The following CCDC15 variants were observed in gnomAD, a reference collection of about 807,000 sequenced individuals.
The protein encoded by CCDC15 is coiled-coil domain-containing protein 15.
Under a neutral mutation model 114.5 loss-of-function variants are expected in CCDC15, and 105 were observed. The observed-to-expected ratio is 0.92, with a 90% CI of 0.78 to 1.08. The LOEUF is 1.08. CCDC15 is among the 50% of genes least tolerant of loss of function. The probability of loss-of-function intolerance (pLI) is 0.00; values close to 1 mark genes in which losing one functional copy is unlikely to be tolerated. For synonymous variants in CCDC15, 334 were observed against 377.8 expected, an observed-to-expected ratio of 0.88 and a Z score of 1.34; for missense variants, 1,105 against 1,093.6, an observed-to-expected ratio of 1.01 and a Z score of -0.15.
intron 11 of CCDC15, among the ~76,000 whole-genome samples, chr11:124,998,248 G>A (rs2135504731): frequency 6.6e-6 from 1 of 152,328 alleles, no homozygotes; most frequent in Non-Finnish European, 1.5e-5. Context: ...AGCTGGGACA[G>A]TTGTAGTGCT....
intron 13 of CCDC15, among the ~76,000 whole-genome samples, chr11:125,028,462 G>A (rs1948719149): frequency 6.6e-6 from 1 of 152,058 alleles, no homozygotes; most frequent in South Asian, 2.1e-4. Flanking sequence ...AGTTTTTCTT[G>A]TAGAGATCTT....
chr11:125,006,389 T>G (rs963041227), intron 13 of CCDC15, among the ~76,000 whole-genome samples: 1 of 152,194 alleles, frequency 6.6e-6, no homozygotes, highest in Non-Finnish European at 1.5e-5. Context: ...TCATTTTGCT[T>G]CTTCTTGTTG....
At chr11:125,011,475 A>G (rs1318302455) in intron 13 of CCDC15, among the ~76,000 whole-genome samples, 1 of 151,930 alleles carries the variant, frequency 6.6e-6, no homozygotes, top group Non-Finnish European at 1.5e-5. Flanking sequence ...TGACCTCGTG[A>G]TCCACCCGCC....
Position 125,040,909 on chromosome 11 carries a change from G to A in CCDC15, c.*198G>A. 1.7e-6 allele frequency: 1 copy of A among 583,596 alleles called. No homozygotes were observed. The highest frequency in any genetic ancestry group is 3.0e-6 in the Non-Finnish European group (1 of 335,322). The allele number at this position is 583,596 out of a possible 1,614,324, so 36.2% of individuals were successfully genotyped here. A position where few individuals can be genotyped will look rare whatever the true frequency, so the allele number is the denominator to read the frequency against. Reference sequence around the variant, plus strand: ...GAAAGCTGACTTACTTCTCTCTTCTGTCTTGTGAACCATACGGAGCCTATT... The same window carrying A: ...GAAAGCTGACTTACTTCTCTCTTCTATCTTGTGAACCATACGGAGCCTATT... On this transcript the variant is annotated 3_prime_UTR_variant, in exon 16 of 16. Coordinates refer to ENST00000344762, the MANE Select transcript of CCDC15 (RefSeq NM_025004.3).
chr11:124,994,515 A>C (rs1948329573), intron 11 of CCDC15, among the ~76,000 whole-genome samples: 1 of 152,150 alleles, frequency 6.6e-6, no homozygotes, highest in African/African-American at 2.4e-5. Flanking sequence ...ATTTTTATAA[A>C]AGGTATATTT....
intron 5 of CCDC15, among the ~76,000 whole-genome samples, chr11:124,977,115 A>T (rs574526507): frequency 6.6e-6 from 1 of 152,248 alleles, no homozygotes; most frequent in Non-Finnish European, 1.5e-5. Context: ...CTTTAGTGAC[A>T]TTAGAATCTG....
At chr11:125,020,665 C>T (rs1948654974) in intron 13 of CCDC15, among the ~76,000 whole-genome samples, 1 of 151,942 alleles carries the variant, frequency 6.6e-6, no homozygotes, top group Non-Finnish European at 1.5e-5. Context: ...ATTGTATTCA[C>T]ACCATTGCTC....
intron 4 of CCDC15, among the ~76,000 whole-genome samples, chr11:124,962,092 T>C (rs1947672638): frequency 6.6e-6 from 1 of 152,192 alleles, no homozygotes; most frequent in East Asian, 1.9e-4. Flanking sequence ...GACTTAACTA[T>C]TTTGAGCCTG....
At chr11:125,036,012 A>T (rs1215299898) in intron 13 of CCDC15, among the ~76,000 whole-genome samples, 5 of 150,408 alleles carry the variant, frequency 3.3e-5, no homozygotes, top group Non-Finnish European at 5.9e-5. Context: ...AGTAGCTTAC[A>T]CACCACAATT....
chr11:125,023,679 C>A (rs1948676710), intron 13 of CCDC15, among the ~76,000 whole-genome samples: 1 of 151,906 alleles, frequency 6.6e-6, no homozygotes, highest in South Asian at 2.1e-4. Flanking sequence ...TTAGAATCCC[C>A]AAATGTTCCT....
In CCDC15 at chr11:124,992,623, T is replaced by C. The variant is rs376194920; in HGVS notation, c.2075T>C (p.Leu692Ser). 1.9e-6 allele frequency: 3 copies of C among 1,601,578 alleles called. No homozygotes were observed. The highest frequency in any genetic ancestry group is 2.6e-6 in the Non-Finnish European group (3 of 1,173,640). ...FMREERVREE[L>S]PLDYHQYVVP... ...AGAGAAGAAAGAGTGAGAGAAGAAT[T>C]GCCTCTGGACTATCATCAATATGTT... is the stretch of plus-strand genomic sequence containing the variant. The change falls in exon 10 of 16, where the codon TTG becomes TCG. Residue 692 changes from leucine to serine, a missense_variant. Transcript: ENST00000344762.
intron 8 of CCDC15, among the ~76,000 whole-genome samples, chr11:124,988,485 T>G (rs1004473773): frequency 6.6e-6 from 1 of 152,220 alleles, no homozygotes; most frequent in Admixed American, 6.5e-5. Flanking sequence ...GGCTCAATGT[T>G]GTTATCTGCT....
intron 13 of CCDC15, among the ~76,000 whole-genome samples, chr11:125,019,115 G>A (rs1051168748): frequency 6.6e-6 from 1 of 151,970 alleles, no homozygotes; most frequent in Non-Finnish European, 1.5e-5. Context: ...TGAAAACAGG[G>A]AGCTCAGTGG....
intron 4 of CCDC15, among the ~76,000 whole-genome samples, chr11:124,966,999 G>A (rs545948279): frequency 2.0e-5 from 3 of 152,268 alleles, no homozygotes; most frequent in South Asian, 2.1e-4. Context: ...AGTTTCTGCC[G>A]AGAGATCCGC....
intron 13 of CCDC15, among the ~76,000 whole-genome samples, chr11:125,028,167 G>A (rs1196907455): frequency 1.3e-5 from 2 of 152,126 alleles, no homozygotes; most frequent in Non-Finnish European, 2.9e-5. Flanking sequence ...CTATAGCTTT[G>A]TAGTATAGTT....
intron 13 of CCDC15, among the ~76,000 whole-genome samples, chr11:125,029,756 C>T (rs1212880583): frequency 6.6e-6 from 1 of 152,148 alleles, no homozygotes; most frequent in Non-Finnish European, 1.5e-5. Flanking sequence ...AACCTTCACT[C>T]CTGAAGGGGC....
rs1040736533 is a variant in CCDC15 at position 125,041,419 on chromosome 11, ATT to A, written c.*713_*714del. The stretch of plus-strand genomic sequence containing the variant: ...AAGTGAGTAAATTCCTTATTTCCCT[ATT>A]TTTTAAAAACCTGGTATATGACATG... On this transcript the variant is annotated 3_prime_UTR_variant, in exon 16 of 16. Coordinates refer to ENST00000344762, the MANE Select transcript of CCDC15 (RefSeq NM_025004.3). The A allele has an allele frequency of 6.6e-6, 1 of 152,102 alleles. No homozygotes were observed. Among genetic ancestry groups the A allele is most frequent in the African/African-American group, 2.4e-5 (1 of 41,416 alleles). 9.4% of individuals were successfully genotyped at this position (152,102 alleles called of 1,614,324 possible). A position where few individuals can be genotyped will look rare whatever the true frequency, so the allele number is the denominator to read the frequency against.
At chr11:124,962,130 A>G (rs1947673288) in intron 4 of CCDC15, among the ~76,000 whole-genome samples, 1 of 152,294 alleles carries the variant, frequency 6.6e-6, no homozygotes, top group East Asian at 1.9e-4. Context: ...ACTCCATGAC[A>G]ATAGATGCTT....
intron 13 of CCDC15, among the ~76,000 whole-genome samples, chr11:125,010,132 A>G (rs1455503543): frequency 1.3e-5 from 2 of 152,178 alleles, no homozygotes; most frequent in Non-Finnish European, 2.9e-5. Context: ...ATTTCCACCA[A>G]CAATGAATAA....
Sources: gnomAD v4.1 joint callset for allele counts (sites outside exome capture counted in the v4.1 genomes callset) on GRCh38, gnomAD v4.1.1 for gene constraint, MANE v1.5 for transcripts, NCBI Gene and HGNC (gene_info 2026-07-23, HGNC 2026-07-21) for gene names.